MYPOP: variants seen among roughly 807,000 people sequenced by gnomAD.
MYPOP encodes the protein myb-related transcription factor, partner of profilin.
Under a neutral mutation model 25.7 loss-of-function variants are expected in MYPOP, and 21 were observed. The observed-to-expected ratio is 0.82, with a 90% CI of 0.58 to 1.18. MYPOP has a LOEUF of 1.18. Among genes scored for constraint, MYPOP ranks in the 50% most tolerant of loss-of-function variants. MYPOP has a pLI of 0.00. For missense variants in MYPOP, 566 were observed against 588.3 expected, an observed-to-expected ratio of 0.96 and a Z score of 0.39; for synonymous variants, 280 against 247.9, an observed-to-expected ratio of 1.13 and a Z score of -1.22.
chr19:45,902,312 G>C (rs1338103773), intron 1 of MYPOP, among the ~76,000 whole-genome samples: 2 of 151,852 alleles, frequency 1.3e-5, no homozygotes, highest in African/African-American at 4.8e-5. Flanking sequence ...AGACCGATAT[G>C]AGAAGGGCCC....
chr19:45,891,399 C>T, intron 2 of MYPOP, 76 bp from the exon 3 acceptor site: 17 of 1,398,930 alleles, frequency 1.2e-5, no homozygotes, highest in Non-Finnish European at 1.3e-5. Context: ...CACTCCTTCC[C>T]TCACCTCCCC....
At chr19:45,892,818 G>A (rs950513408) in intron 2 of MYPOP, among the ~76,000 whole-genome samples, 1 of 152,100 alleles carries the variant, frequency 6.6e-6, no homozygotes, top group African/African-American at 2.4e-5. Flanking sequence ...TGCAGTCATC[G>A]CCTCCCTGAG....
chr19:45,900,540 G>A (rs75664713), intron 2 of MYPOP, among the ~76,000 whole-genome samples: 2,787 of 130,194 alleles, frequency 0.021, 92 homozygotes, highest in African/African-American at 0.076. Context: ...AGTCATCACC[G>A]TCTTCCCCAC....
chr19:45,896,893 G>A lies in MYPOP; in HGVS notation c.499+4382C>T, dbSNP rs545295224. On this transcript the variant is annotated intron_variant, in intron 2 of 2. Transcript: ENST00000322217. The stretch of plus-strand genomic sequence containing the variant: ...ACCCGCCTCGGCCTCCCAAAGTGCT[G>A]GGATTACAGGCGTGAGCCACCGCGC... Among the ~76,000 whole-genome samples, 33 of 152,158 alleles carry A rather than the reference G, an allele frequency of 2.2e-4. 1 individual carries two copies. The South Asian group carries it at 6.8e-3, about 32-fold the overall frequency.
In MYPOP at chr19:45,901,630, G is replaced by T. The variant is rs951907107; in HGVS notation, c.144C>A (p.Ser48Arg). ...CCCACACGCGCCGCCGCTCTGCCACGCTCACCCGACGGCTCTGCGCGCCGT... is the reference window on the plus strand; with the variant it reads ...CCCACACGCGCCGCCGCTCTGCCACTCTCACCCGACGGCTCTGCGCGCCGT... ...QLYGAQSRRV[S>R]VAERRRVWDG... The change falls in exon 2 of 3, where the codon AGC (serine) becomes AGA (arginine). Residue 48 changes from serine (S) to arginine (R), a missense_variant. Physicochemically the swap from Ser to Arg is moderately radical, Grantham distance 110. Transcript: ENST00000322217. This position sits in a 1 kb window ranked among gnomAD's most constrained non-coding sequence, Gnocchi z 5.7. The T allele has an allele frequency of 6.2e-7, 1 of 1,610,350 alleles. No homozygotes were observed. Among genetic ancestry groups the T allele is most frequent in the Non-Finnish European group, 8.5e-7 (1 of 1,179,228 alleles).
At chr19:45,896,353 C>A (rs1967204156) in intron 2 of MYPOP, among the ~76,000 whole-genome samples, 1 of 152,166 alleles carries the variant, frequency 6.6e-6, no homozygotes, top group Non-Finnish European at 1.5e-5. Flanking sequence ...GTCCAGCCTC[C>A]CTGGGCCAGC....
At position 45,901,499 on chromosome 19, in the gene MYPOP, GCGAGCTTCTCCT is replaced by G; in HGVS notation, c.263_274del (p.Lys88_Ala92delinsThr). The stretch of plus-strand genomic sequence containing the variant: ...GCCCTGCGTGGAGTGCGGCACGCGA[GCGAGCTTCTCCT>G]TGGTGCGGCGCTTGAAGTCGTTCCA... On this transcript the variant is annotated inframe_deletion, in exon 2 of 3. Coordinates refer to ENST00000322217, the MANE Select transcript of MYPOP (RefSeq NM_001012643.4). The surrounding 1 kb of genome is among the most constrained non-coding windows in gnomAD (Gnocchi z 5.7). 6.2e-7 allele frequency: 1 copy of G among 1,610,304 alleles called. No individual in the cohort carries two copies. Among genetic ancestry groups the G allele is most frequent in the Non-Finnish European group, 8.5e-7 (1 of 1,178,856 alleles).
chr19:45,897,728 G>A (rs1299928737), intron 2 of MYPOP, among the ~76,000 whole-genome samples: 1 of 151,442 alleles, frequency 6.6e-6, no homozygotes. Flanking sequence ...CTAATTTTTG[G>A]ATTATTTTGT....
chr19:45,895,127 T>C (rs575128501), intron 2 of MYPOP, among the ~76,000 whole-genome samples: 2 of 152,326 alleles, frequency 1.3e-5, no homozygotes, highest in African/African-American at 4.8e-5. Flanking sequence ...TTGAGGCCTC[T>C]AGGGCCCTGC....
At chr19:45,900,741 T>C (rs1036305280) in intron 2 of MYPOP, among the ~76,000 whole-genome samples, 17 of 152,180 alleles carry the variant, frequency 1.1e-4, no homozygotes, top group African/African-American at 4.1e-4. Flanking sequence ...GAGTCTTTTA[T>C]TTATGAAATA....
intron 2 of MYPOP, among the ~76,000 whole-genome samples, chr19:45,897,878 TA>T (rs1303114729): frequency 6.6e-6 from 1 of 151,216 alleles, no homozygotes; most frequent in Non-Finnish European, 1.5e-5. Flanking sequence ...GTTAAAATCA[TA>T]TTTATTTGCA....
At chr19:45,902,127 G>A (rs1027611571) in intron 1 of MYPOP, among the ~76,000 whole-genome samples, 1 of 148,638 alleles carries the variant, frequency 6.7e-6, no homozygotes, top group Non-Finnish European at 1.5e-5. Context: ...GTGTCTGCAG[G>A]AGTTAGAGAA....
intron 2 of MYPOP, among the ~76,000 whole-genome samples, chr19:45,892,473 C>T (rs1266691364): frequency 6.6e-6 from 1 of 152,242 alleles, no homozygotes; most frequent in South Asian, 2.1e-4. Flanking sequence ...ACAGGGGCTC[C>T]CAGCTTCCTG....
intron 2 of MYPOP, among the ~76,000 whole-genome samples, chr19:45,896,933 T>C (rs983847625): frequency 6.6e-6 from 1 of 152,134 alleles, no homozygotes; most frequent in African/African-American, 2.4e-5. Context: ...CCTCTTTTGT[T>C]TTATAGAGAT....
At position 45,890,685 on chromosome 19, in the gene MYPOP, G is replaced by C. The variant is rs1024687996; in HGVS notation, c.1138C>G (p.Pro380Ala). The stretch of plus-strand genomic sequence containing the variant: ...GGGAAACCTTTTCTCCGCTTGTGTG[G>C]GGGGGAGTCGTGCGGAGGGAGCGGG... ...PAPLPPHDSP[P>A]HKRRKGFPTR... Residue 380 changes from proline (P) to alanine (A), a missense_variant, in exon 3 of 3, where the codon CCA (proline) becomes GCA (alanine). By Grantham distance (27) the Pro-to-Ala change is conservative (BLOSUM62 -1). Transcript: ENST00000322217. 6 of 1,609,976 alleles carry C rather than the reference G, an allele frequency of 3.7e-6. No homozygotes were observed. The African/African-American group carries it at 6.7e-5, about 18-fold the overall frequency.
At chr19:45,896,477 C>T (rs1189375816) in intron 2 of MYPOP, among the ~76,000 whole-genome samples, 1 of 152,200 alleles carries the variant, frequency 6.6e-6, no homozygotes, top group East Asian at 1.9e-4. Flanking sequence ...TCCACCTAGT[C>T]TTCCCAGCCA....
intron 1 of MYPOP, among the ~76,000 whole-genome samples, chr19:45,902,146 C>T (rs1012412202): frequency 2.2e-4 from 25 of 113,848 alleles, no homozygotes; most frequent in Non-Finnish European, 3.5e-4. Flanking sequence ...AATGGGGGCA[C>T]GGGAGGATAG....
chr19:45,897,743 A>C (rs1365131069), intron 2 of MYPOP, among the ~76,000 whole-genome samples: 1 of 151,146 alleles, frequency 6.6e-6, no homozygotes, highest in Admixed American at 6.6e-5. Context: ...TTTTGTAGAG[A>C]TGGGGTCTCA....
rs1967107242 is a variant in MYPOP, at chr19:45,890,735, T to G, written c.1088A>C (p.Glu363Ala). The part of the protein sequence containing the change: ...RGVIIAPRSE[E>A]GAPRPPPAPL... ...GGCTGGGGGGGGCCGGGGTGCCCCC[T>G]CCTCGCTCCTTGGGGCAATGATCAC... The change falls in exon 3 of 3, where the codon GAG (glutamate) becomes GCG (alanine). Residue 363 changes from glutamate (E) to alanine (A), a missense_variant. Transcript: ENST00000322217. The G allele has an allele frequency of 6.4e-7, 1 of 1,571,862 alleles. No homozygotes were observed. Among genetic ancestry groups the G allele is most frequent in the Non-Finnish European group, 8.6e-7 (1 of 1,158,354 alleles).
Sources: gnomAD v4.1 joint callset for allele counts (sites outside exome capture counted in the v4.1 genomes callset) on GRCh38, gnomAD v4.1.1 for gene constraint, Gnocchi (gnomAD v3.1) non-coding constraint, MANE v1.5 for transcripts, NCBI Gene and HGNC (gene_info 2026-07-23, HGNC 2026-07-21) for gene names.